CADPS: variants seen among roughly 807,000 people sequenced by gnomAD.
The protein encoded by CADPS is calcium-dependent secretion activator 1.
CADPS carries 57 observed loss-of-function variants against 167.3 expected under a neutral mutation model. The ratio of observed to expected loss-of-function variants is 0.34; its 90% CI spans 0.28 to 0.42. The LOEUF is 0.42. Among genes scored for constraint, CADPS ranks in the 20% least tolerant of loss-of-function variants. The pLI is 1.00. For synonymous variants in CADPS, 676 were observed against 635.3 expected, an observed-to-expected ratio of 1.06 and a Z score of -0.96; for missense variants, 1,414 against 1,738.1, an observed-to-expected ratio of 0.81 and a Z score of 3.32.
At chr3:62,540,003 T>A (rs948579951) in intron 11 of CADPS, among the ~76,000 whole-genome samples, 3 of 152,108 alleles carry the variant, frequency 2.0e-5, no homozygotes, top group African/African-American at 7.2e-5. Context: ...GTTGAGAGGA[T>A]CTGAAGAGAA....
chr3:62,729,369 C>T (rs527884201), intron 3 of CADPS, among the ~76,000 whole-genome samples: 39 of 151,932 alleles, frequency 2.6e-4, no homozygotes, highest in Non-Finnish European at 4.3e-4. Flanking sequence ...TTTGCAAATG[C>T]CCTTAACTGA....
chr3:62,589,164 T>C (rs879437730), intron 7 of CADPS, among the ~76,000 whole-genome samples: 5 of 152,128 alleles, frequency 3.3e-5, no homozygotes, highest in Admixed American at 3.3e-4. Flanking sequence ...AACGCCAGGA[T>C]TCTAAACACA....
At chr3:62,658,142 C>T (rs79911510) in intron 4 of CADPS, among the ~76,000 whole-genome samples, 2,230 of 152,198 alleles carry the variant, frequency 0.015, 28 homozygotes, top group Non-Finnish European at 0.023. Context: ...TAGCATGAAA[C>T]GTGGAATTAG....
At chr3:62,871,121 C>T (rs956960379) in intron 1 of CADPS, among the ~76,000 whole-genome samples, 4 of 151,970 alleles carry the variant, frequency 2.6e-5, no homozygotes, top group Non-Finnish European at 5.9e-5. Context: ...TTTAAAGTCC[C>T]CTCTTTAATT....
intron 17 of CADPS, among the ~76,000 whole-genome samples, chr3:62,507,258 C>T (rs2066865630): frequency 6.6e-6 from 1 of 152,140 alleles, no homozygotes; most frequent in Admixed American, 6.5e-5. Flanking sequence ...CTTTGACCTA[C>T]ATCATGCCCT....
intron 3 of CADPS, among the ~76,000 whole-genome samples, chr3:62,749,788 T>G (rs2082289417): frequency 6.6e-6 from 1 of 152,162 alleles, no homozygotes; most frequent in South Asian, 2.1e-4. Flanking sequence ...TATGCAGACT[T>G]CATATGAAAG....
intron 6 of CADPS, among the ~76,000 whole-genome samples, chr3:62,634,766 C>T (rs1207513028): frequency 6.6e-6 from 1 of 152,154 alleles, no homozygotes; most frequent in African/African-American, 2.4e-5. Flanking sequence ...CTTAAATGTG[C>T]CTTGTCTATT....
chr3:62,481,857 A>G lies in CADPS; in HGVS notation c.3039T>C (p.Ser1013=). 1 of 1,609,126 alleles carries G rather than the reference A, an allele frequency of 6.2e-7. No individual in the cohort carries two copies. Among genetic ancestry groups the G allele is most frequent in the Non-Finnish European group, 8.5e-7 (1 of 1,178,310 alleles). The part of the protein sequence containing the change: ...ESWEPVKSLT[S]NLPNVNLPNV... Reference sequence around the variant, plus strand: ...TGGGTAGGTTCACATTGGGTAGGTTACTGGTTAAACTCCTGTGGAAGAAAC... The same window carrying G: ...TGGGTAGGTTCACATTGGGTAGGTTGCTGGTTAAACTCCTGTGGAAGAAAC... Residue 1013 remains serine, a synonymous_variant, in exon 22 of 30, where the codon AGT becomes AGC. Transcript: ENST00000383710.
At chr3:62,870,932 G>C (rs1253420720) in intron 1 of CADPS, among the ~76,000 whole-genome samples, 1 of 151,990 alleles carries the variant, frequency 6.6e-6, no homozygotes, top group African/African-American at 2.4e-5. Flanking sequence ...AAAAGAAGAA[G>C]AAAAAGCAAA....
At chr3:62,594,614 T>A (rs1010870995) in intron 6 of CADPS, among the ~76,000 whole-genome samples, 3 of 152,210 alleles carry the variant, frequency 2.0e-5, no homozygotes, top group Non-Finnish European at 4.4e-5. Flanking sequence ...TCCAAGCTGG[T>A]CTCAAACTCC....
intron 6 of CADPS, among the ~76,000 whole-genome samples, chr3:62,632,062 GAC>G: frequency 6.6e-6 from 1 of 152,118 alleles, no homozygotes; most frequent in East Asian, 1.9e-4. Context: ...CAACATACAG[GAC>G]ATAACTAGCT....
intron 6 of CADPS, among the ~76,000 whole-genome samples, chr3:62,634,290 T>C (rs1366462506): frequency 6.6e-6 from 1 of 152,230 alleles, no homozygotes; most frequent in Non-Finnish European, 1.5e-5. Flanking sequence ...TTCTTAAAGA[T>C]ATCGAGTTGT....
intron 13 of CADPS, among the ~76,000 whole-genome samples, chr3:62,522,313 A>G (rs1202153793): frequency 6.6e-6 from 1 of 151,724 alleles, no homozygotes; most frequent in Non-Finnish European, 1.5e-5. Context: ...TTTTGTTTTA[A>G]TTTTCTTCAG....
At chr3:62,762,427 C>A (rs933619529) in intron 2 of CADPS, among the ~76,000 whole-genome samples, 6 of 151,842 alleles carry the variant, frequency 4.0e-5, no homozygotes, top group Non-Finnish European at 8.8e-5. Flanking sequence ...GGGGCCAATG[C>A]GGGTGGATCA....
At chr3:62,749,062 A>G (rs912780526) in intron 3 of CADPS, among the ~76,000 whole-genome samples, 2 of 152,220 alleles carry the variant, frequency 1.3e-5, no homozygotes, top group African/African-American at 4.8e-5. Flanking sequence ...CCAAGGGTCT[A>G]TGAAAAATAA....
intron 9 of CADPS, among the ~76,000 whole-genome samples, chr3:62,562,237 C>T (rs1486166525): frequency 2.0e-5 from 3 of 152,136 alleles, no homozygotes; most frequent in Non-Finnish European, 4.4e-5. Context: ...AGACTAAGGA[C>T]TATTTTTAAT....
At chr3:62,510,013 T>C (rs550202415) in intron 17 of CADPS, among the ~76,000 whole-genome samples, 19 of 152,310 alleles carry the variant, frequency 1.2e-4, no homozygotes, top group Middle Eastern at 3.4e-3. Flanking sequence ...AAGGTTAAGA[T>C]TGAATCAGAA....
chr3:62,815,597 T>C (rs563736416), intron 1 of CADPS, among the ~76,000 whole-genome samples: 1 of 152,222 alleles, frequency 6.6e-6, no homozygotes, highest in African/African-American at 2.4e-5. Flanking sequence ...ATCAGACACA[T>C]GAGAAAGGCA....
Position 62,550,111 on chromosome 3 carries a change from C to T in CADPS, c.1758G>A (p.Leu586=), listed in dbSNP as rs1339684911. ...CATTGAAGAAGGCTCGGCCACCCTC[C>T]AAACCTGGAAGAAAAGGGAGTAACA... ...TVDYTDPQPG[L]EGGRAFFNAV... Residue 586 remains leucine, a synonymous_variant, in exon 11 of 30, where the codon TTG becomes TTA. Transcript: ENST00000383710. 1 of 1,613,504 alleles carries T rather than the reference C, an allele frequency of 6.2e-7. No individual in the cohort carries two copies. The highest frequency in any genetic ancestry group is 8.5e-7 in the Non-Finnish European group (1 of 1,179,452).
Sources: gnomAD v4.1 joint callset for allele counts (sites outside exome capture counted in the v4.1 genomes callset) on GRCh38, gnomAD v4.1.1 for gene constraint, MANE v1.5 for transcripts, NCBI Gene and HGNC (gene_info 2026-07-23, HGNC 2026-07-21) for gene names.